BICC1: variants seen among roughly 807,000 people sequenced by gnomAD.
BICC1 encodes BicC family RNA binding protein 1.
BICC1 carries 43 observed loss-of-function variants against 111.0 expected under a neutral mutation model. The ratio of observed to expected loss-of-function variants is 0.39; its 90% confidence interval spans 0.30 to 0.50. The LOEUF (loss-of-function observed/expected upper bound fraction) is 0.50, where lower values mean the gene tolerates loss of function less well. BICC1 is among the 20% of genes least tolerant of loss of function. The probability of loss-of-function intolerance (pLI) is 0.88; values close to 1 mark genes in which losing one functional copy is unlikely to be tolerated. For missense variants in BICC1, 1,091 were observed against 1,203.2 expected (o/e 0.91, Z 1.38); for synonymous variants, 467 against 434.4 (o/e 1.07, Z -0.93).
intron 3 of BICC1, among the ~76,000 whole-genome samples, chr10:58,766,813 G>C (rs1302057166): frequency 6.6e-6 from 1 of 152,044 alleles, no homozygotes; most frequent in South Asian, 2.1e-4. Context: ...TTCTCACAGG[G>C]GGAAAGTTAG....
rs989522116 is a variant in BICC1, at chr10:58,778,363, C to T, written c.308-6638C>T. On this transcript the variant is annotated intron_variant, in intron 3 of 20. Coordinates refer to ENST00000373886, the MANE Select transcript of BICC1 (RefSeq NM_001080512.3). The stretch of plus-strand genomic sequence containing the variant: ...AAAATACACGCATAATTTTTGACTC[C>T]CCAAAAACTTTATTAATAGCCTGCT... 3.3e-5 allele frequency among the ~76,000 whole-genome samples: 5 copies of T among 151,968 alleles called. No homozygotes were observed. The South Asian group carries it at 1.0e-3, about 32-fold the overall frequency.
At chr10:58,770,620 T>C (rs1159648246) in intron 3 of BICC1, among the ~76,000 whole-genome samples, 1 of 152,126 alleles carries the variant, frequency 6.6e-6, no homozygotes, top group East Asian at 1.9e-4. Flanking sequence ...ATAATACAAC[T>C]AATATAAGAC....
intron 3 of BICC1, among the ~76,000 whole-genome samples, chr10:58,736,473 G>C (rs939401383): frequency 6.6e-6 from 1 of 152,068 alleles, no homozygotes; most frequent in Non-Finnish European, 1.5e-5. Context: ...CTTGCACTTA[G>C]TCTTTTTGTG....
intron 20 of BICC1, among the ~76,000 whole-genome samples, chr10:58,826,471 G>A (rs1844398259): frequency 6.7e-6 from 1 of 149,966 alleles, no homozygotes; most frequent in Non-Finnish European, 1.5e-5. Flanking sequence ...AAGAAAGGAG[G>A]CCGGGTGCGG....
Position 58,817,683 on chromosome 10 carries a change from G to A in BICC1, c.2655G>A (p.Leu885=), listed in dbSNP as rs1235279318. 1.9e-6 allele frequency: 3 copies of A among 1,612,874 alleles called. No individual in the cohort carries two copies. Among genetic ancestry groups the A allele is most frequent in the African/African-American group, 1.3e-5 (1 of 74,846 alleles). ...ACCTCCCTGAGCTCTTCAGCAAACT[G>A]GGCCTGGGCAAATACACAGATGTTT... ...GSDLPELFSK[L]GLGKYTDVFQ... is the part of the protein sequence containing the mutation. Residue 885 remains leucine (L), a synonymous_variant, in exon 19 of 21, where the codon CTG becomes CTA. Transcript: ENST00000373886.
intron 2 of BICC1, among the ~76,000 whole-genome samples, chr10:58,635,242 A>T (rs933101358): frequency 6.6e-6 from 1 of 152,258 alleles, no homozygotes; most frequent in Non-Finnish European, 1.5e-5. Flanking sequence ...AGGCATTTAC[A>T]GTTAAAAAAT....
chr10:58,707,623 G>A (rs368900422), intron 3 of BICC1, among the ~76,000 whole-genome samples: 8 of 152,170 alleles, frequency 5.3e-5, no homozygotes, highest in East Asian at 3.9e-4. Context: ...TCCGCCTCCC[G>A]GGTTCAAGCG....
chr10:58,673,474 A>G (rs1839242755), intron 2 of BICC1, among the ~76,000 whole-genome samples: 1 of 152,222 alleles, frequency 6.6e-6, no homozygotes, highest in Admixed American at 6.5e-5. Context: ...TTTAGCCTGT[A>G]AGACAGGTGC....
chr10:58,567,490 G>T (rs1843805648), intron 1 of BICC1, among the ~76,000 whole-genome samples: 1 of 151,580 alleles, frequency 6.6e-6, no homozygotes, highest in Non-Finnish European at 1.5e-5. Context: ...ATAAATACAT[G>T]TATGTCTTTT....
chr10:58,518,136 T>C (rs1842291925), intron 1 of BICC1, among the ~76,000 whole-genome samples: 2 of 152,172 alleles, frequency 1.3e-5, no homozygotes, highest in Admixed American at 1.3e-4. Context: ...CCCTTTTTAG[T>C]TGTAAATTGT....
chr10:58,807,181 C>A, intron 17 of BICC1, 23 bp downstream of exon 17: 1 of 1,596,614 alleles, frequency 6.3e-7, no homozygotes, highest in Non-Finnish European at 8.5e-7. Flanking sequence ...ATGTCCTACT[C>A]ATTCTTCCTG....
At position 58,798,542 on chromosome 10, in the gene BICC1, A is replaced by G; in HGVS notation, c.1510A>G (p.Asn504Asp). The change falls in exon 11 of 21, where the codon AAT becomes GAT. Residue 504 changes from asparagine (N) to aspartate (D), a missense_variant. Physicochemically the swap from Asn to Asp is conservative, Grantham distance 23 (BLOSUM62 1). This residue lies in a region of BICC1 where 843 missense variants were observed against 900.8 expected (regional missense o/e 0.94). Transcript: ENST00000373886. ...CACATTATGGGCACCCCCACTTGCT[A>G]ATACTTCAAGTGCCACAGGTCAGTA... Reference protein sequence around the residue: ...SPTLWAPPLANTSSATGFSAI... With the variant: ...SPTLWAPPLADTSSATGFSAI... 1.9e-6 allele frequency: 3 copies of G among 1,608,622 alleles called. No homozygotes were observed. Among genetic ancestry groups the G allele is most frequent in the Non-Finnish European group, 2.5e-6 (3 of 1,178,014 alleles).
In BICC1 at chr10:58,813,852, G is replaced by A. The variant is rs111922761; in HGVS notation, c.2399G>A (p.Arg800Gln). ...TYEGSSMSLS[R>Q]SNSREHLGGG... The stretch of plus-strand genomic sequence containing the variant: ...CAGGGCTCATCCATGTCCCTTTCAC[G>A]GTCCAACAGTCGTGAGCACTTGGGA... The change falls in exon 18 of 21, where the codon CGG becomes CAG. Residue 800 changes from arginine (R) to glutamine (Q), a missense_variant. Physicochemically the swap from Arg to Gln is conservative, Grantham distance 43 (BLOSUM62 1). This residue lies in a region of BICC1 where 231 missense variants were observed against 256.2 expected (regional missense o/e 0.90). Coordinates refer to ENST00000373886, the MANE Select transcript of BICC1 (RefSeq NM_001080512.3). 2,469 of 1,613,878 alleles carry A rather than the reference G, an allele frequency of 1.5e-3. 27 individuals carry two copies. The African/African-American group carries it at 0.028, about 18-fold the overall frequency.
chr10:58,796,610 A>G (rs1843362577), intron 10 of BICC1, 84 bp downstream of exon 10: 1 of 1,320,926 alleles, frequency 7.6e-7, no homozygotes, highest in Admixed American at 2.8e-5. Flanking sequence ...TCGGGTCTAC[A>G]TTTAAAGGCT....
intron 3 of BICC1, among the ~76,000 whole-genome samples, chr10:58,716,430 G>A (rs182128814): frequency 5.3e-5 from 8 of 152,302 alleles, no homozygotes; most frequent in Non-Finnish European, 1.2e-4. Flanking sequence ...TAGCCACTCA[G>A]ATGCTACTGT....
intron 1 of BICC1, among the ~76,000 whole-genome samples, chr10:58,618,606 C>T (rs1453555041): frequency 6.6e-6 from 1 of 152,180 alleles, no homozygotes; most frequent in Non-Finnish European, 1.5e-5. Flanking sequence ...CATTCATCCA[C>T]CCCCTCCCCT....
At chr10:58,722,446 A>T (rs1419684568) in intron 3 of BICC1, among the ~76,000 whole-genome samples, 2 of 152,210 alleles carry the variant, frequency 1.3e-5, no homozygotes, top group Non-Finnish European at 2.9e-5. Flanking sequence ...TTAGTATTTA[A>T]TAAATTTTGG....
chr10:58,598,417 C>A (rs1844905710), intron 1 of BICC1, among the ~76,000 whole-genome samples: 1 of 152,252 alleles, frequency 6.6e-6, no homozygotes, highest in East Asian at 1.9e-4. Flanking sequence ...AAAAGATTCC[C>A]TATTTAATAA....
Position 58,693,791 on chromosome 10 carries a change from T to C in BICC1, c.238-8283T>C, listed in dbSNP as rs188754757. Among the ~76,000 whole-genome samples the C allele has an allele frequency of 4.3e-3, 659 of 152,256 alleles. 16 individuals carry two copies. The highest frequency in any genetic ancestry group is 1.9e-3 in the Non-Finnish European group (130 of 68,036). Reference sequence around the variant, plus strand: ...TTGTCAGATGAGTAGGTTGCAAAAATTTTCTCCCATTCTGTAGGTTGCCTG... The same window carrying C: ...TTGTCAGATGAGTAGGTTGCAAAAACTTTCTCCCATTCTGTAGGTTGCCTG... On this transcript the variant is annotated intron_variant, in intron 2 of 20. Transcript: ENST00000373886.
Sources: allele counts gnomAD v4.1 joint callset (sites outside exome capture counted in the v4.1 genomes callset), GRCh38; gene constraint gnomAD v4.1.1; regional missense constraint gnomAD v4.1.1; transcripts MANE v1.5; gene names NCBI Gene and HGNC (gene_info 2026-07-23, HGNC 2026-07-21).